Variants in PLAC8 observed in about 807,000 individuals in gnomAD.
PLAC8 encodes the protein placenta associated 8, also known as placenta-specific gene 8 protein.
A neutral mutation model predicts 12.6 loss-of-function variants in PLAC8; 6 were observed. The observed-to-expected ratio is 0.48, with a 90% CI of 0.26 to 0.94. PLAC8 has a LOEUF of 0.94. Ranked by LOEUF, PLAC8 falls within the 40% of genes least tolerant of loss-of-function variation. The pLI is 0.14. For missense variants in PLAC8, 122 were observed against 152.7 expected, an observed-to-expected ratio of 0.80 and a Z score of 1.06; for synonymous variants, 54 against 52.6, an observed-to-expected ratio of 1.03 and a Z score of -0.11.
chr4:83,094,234 C>G (rs1402349614), intron 4 of PLAC8: 1 of 152,572 alleles, frequency 6.6e-6, no homozygotes, highest in Non-Finnish European at 1.5e-5. Context: ...TTTAACCTCA[C>G]CTTGCTATGA....
At chr4:83,110,284 GACCCTGGATTCTAGTCTTGGGGTAC>G (rs144123316) in intron 1 of PLAC8, among the ~76,000 whole-genome samples, 2,922 of 145,332 alleles carry the variant, frequency 0.02, 107 homozygotes, top group African/African-American at 0.071. Flanking sequence ...TTATTAGATG[GACCCTGGATTCTAGTCTTGGGGTAC>G]ACGCCCACGT....
At chr4:83,110,487 C>T (rs1037505187) in intron 1 of PLAC8, among the ~76,000 whole-genome samples, 1 of 152,204 alleles carries the variant, frequency 6.6e-6, no homozygotes, top group African/African-American at 2.4e-5. Context: ...AGGGTAAGCT[C>T]CACAAAGGCA....
intron 3 of PLAC8, among the ~76,000 whole-genome samples, chr4:83,096,669 G>C (rs970842705): frequency 9.2e-5 from 14 of 152,126 alleles, no homozygotes; most frequent in African/African-American, 3.4e-4. Context: ...TACAGCTATG[G>C]ACATAGACAT....
rs1356033310 is a variant in PLAC8 at position 83,090,099 on chromosome 4, G to A, written c.*882C>T. ...TTAGATGAAAGAGAGCTGGGTTACT[G>A]TGAACCAAAATCTCCTGCTAAGAAA... On this transcript the variant is annotated 3_prime_UTR_variant, in exon 5 of 5. Transcript: ENST00000311507. The A allele has an allele frequency of 2.0e-5, 3 of 150,932 alleles. No individual in the cohort carries two copies. Among genetic ancestry groups the A allele is most frequent in the Non-Finnish European group, 4.4e-5 (3 of 67,802 alleles). The allele number at this position is 150,932 out of a possible 1,614,324, so 9.3% of individuals were successfully genotyped here.
At chr4:83,107,550 C>T (rs991274981) in intron 2 of PLAC8, among the ~76,000 whole-genome samples, 3 of 141,454 alleles carry the variant, frequency 2.1e-5, no homozygotes, top group South Asian at 2.3e-4. Flanking sequence ...ATTATCTTAA[C>T]CCAGAACTTA....
chr4:83,102,703 T>C (rs1732133415), intron 3 of PLAC8, among the ~76,000 whole-genome samples: 1 of 152,180 alleles, frequency 6.6e-6, no homozygotes, highest in Non-Finnish European at 1.5e-5. Context: ...GCAAGAGAAC[T>C]AGAATTAGAA....
intron 1 of PLAC8, among the ~76,000 whole-genome samples, chr4:83,114,128 A>C (rs1732481685): frequency 6.6e-6 from 1 of 152,018 alleles, no homozygotes; most frequent in South Asian, 2.1e-4. Context: ...CTCTCTTTAT[A>C]CATATAAATG....
At chr4:83,093,556 T>C (rs540359044) in intron 4 of PLAC8, 1 of 152,370 alleles carries the variant, frequency 6.6e-6, no homozygotes, top group South Asian at 2.1e-4. Context: ...CATCTGTTTC[T>C]TGTTGAGAAC....
intron 3 of PLAC8, among the ~76,000 whole-genome samples, chr4:83,100,509 ACC>A (rs1732074121): frequency 6.2e-5 from 4 of 64,012 alleles, no homozygotes; most frequent in African/African-American, 3.0e-4. Flanking sequence ...CAATGCGAGA[ACC>A]TTTTCTTTAT....
chr4:83,112,190 ATATATATATATATG>A (rs71668627), intron 1 of PLAC8, among the ~76,000 whole-genome samples: 5,017 of 52,670 alleles, frequency 0.095, 124 homozygotes, highest in South Asian at 0.19. Context: ...AAAAAAATTT[ATATATATATATATG>A]TATATATATA....
intron 4 of PLAC8, chr4:83,093,531 T>G (rs970735009): frequency 6.6e-6 from 1 of 152,224 alleles, no homozygotes; most frequent in African/African-American, 2.4e-5. Flanking sequence ...CTTTGAACTA[T>G]CACAGTTTGA....
At chr4:83,108,493 C>G (rs1464201030) in intron 1 of PLAC8, among the ~76,000 whole-genome samples, 1 of 152,316 alleles carries the variant, frequency 6.6e-6, no homozygotes. Flanking sequence ...ACTCGGGAGG[C>G]CGAGGCAGGA....
chr4:83,095,788 T>C (rs1731911666), intron 3 of PLAC8, among the ~76,000 whole-genome samples: 1 of 152,226 alleles, frequency 6.6e-6, no homozygotes, highest in Non-Finnish European at 1.5e-5. Flanking sequence ...GGGACTACTT[T>C]GTAAAATTAG....
intron 1 of PLAC8, among the ~76,000 whole-genome samples, chr4:83,112,165 C>T (rs1732435810): frequency 7.0e-6 from 1 of 143,370 alleles, no homozygotes. Context: ...CAGAGCGAGA[C>T]TCCGTCTCAA....
At position 83,100,168 on chromosome 4, in the gene PLAC8, C is replaced by G. The variant is rs1445706235; in HGVS notation, c.243+4728G>C. ...TGGTGGCGGGCTCCTGTAGTCCCAGCTACTTGGGAGGCTGAGGCAGGAGAA... is the reference window on the plus strand; with the variant it reads ...TGGTGGCGGGCTCCTGTAGTCCCAGGTACTTGGGAGGCTGAGGCAGGAGAA... On this transcript the variant is annotated intron_variant, in intron 3 of 4. Coordinates refer to ENST00000311507, the MANE Select transcript of PLAC8 (RefSeq NM_016619.3). Among the ~76,000 whole-genome samples the G allele has an allele frequency of 4.6e-5, 7 of 151,510 alleles. No homozygotes were observed. The East Asian group carries it at 1.2e-3, about 25-fold the overall frequency.
chr4:83,098,090 CTTGT>C (rs1454275405), intron 3 of PLAC8, among the ~76,000 whole-genome samples: 1 of 152,098 alleles, frequency 6.6e-6, no homozygotes, highest in African/African-American at 2.4e-5. Flanking sequence ...ATCTCCTGAC[CTTGT>C]GATCTGCTCA....
At chr4:83,100,280 CAA>C (rs35928607) in intron 3 of PLAC8, among the ~76,000 whole-genome samples, 31 of 121,338 alleles carry the variant, frequency 2.6e-4, no homozygotes, top group Admixed American at 3.5e-4. Flanking sequence ...GACTCCATCT[CAA>C]AAAAAAAAAA....
intron 2 of PLAC8, among the ~76,000 whole-genome samples, chr4:83,106,852 TC>T (rs913557474): frequency 1.2e-4 from 18 of 152,140 alleles, no homozygotes; most frequent in African/African-American, 4.3e-4. Flanking sequence ...ACTTCTTTCC[TC>T]CAAGTTCATT....
chr4:83,099,851 A>G (rs1732042973), intron 3 of PLAC8, among the ~76,000 whole-genome samples: 2 of 151,326 alleles, frequency 1.3e-5, no homozygotes, highest in African/African-American at 4.9e-5. Flanking sequence ...CAAAAAAAAA[A>G]AAAAATTAGA....
Sources: gnomAD v4.1 joint callset for allele counts (sites outside exome capture counted in the v4.1 genomes callset) on GRCh38, gnomAD v4.1.1 for gene constraint, MANE v1.5 for transcripts, NCBI Gene and HGNC (gene_info 2026-07-23, HGNC 2026-07-21) for gene names.